Variants in LRFN5 observed in about 807,000 individuals in gnomAD.
LRFN5 encodes leucine rich repeat and fibronectin type III domain containing 5.
LRFN5 carries 24 observed loss-of-function variants against 45.6 expected under a neutral mutation model. That is an observed-to-expected ratio of 0.53 (90% CI 0.38 to 0.74). LRFN5 has a LOEUF of 0.74. Among genes scored for constraint, LRFN5 ranks in the 30% least tolerant of loss-of-function variants. The pLI, the probability that LRFN5 is intolerant of heterozygous loss-of-function variation, is 0.00. For missense variants in LRFN5, 776 were observed against 861.5 expected, an observed-to-expected ratio of 0.90 and a Z score of 1.24; for synonymous variants, 340 against 313.8, an observed-to-expected ratio of 1.08 and a Z score of -0.88.
At chr14:41,877,317 T>C (rs1890218846) in intron 2 of LRFN5, among the ~76,000 whole-genome samples, 1 of 152,126 alleles carries the variant, frequency 6.6e-6, no homozygotes, top group Non-Finnish European at 1.5e-5. Context: ...GCTAATAAAT[T>C]TTCAAAATGA....
chr14:41,865,006 G>C (rs564065245), intron 2 of LRFN5, among the ~76,000 whole-genome samples: 1 of 151,812 alleles, frequency 6.6e-6, no homozygotes, highest in Non-Finnish European at 1.5e-5. Flanking sequence ...ATAGCTTCTT[G>C]GTTTTTATAG....
intron 1 of LRFN5, among the ~76,000 whole-genome samples, chr14:41,680,018 ACC>A (rs1464771924): frequency 1.3e-5 from 2 of 151,974 alleles, no homozygotes; most frequent in East Asian, 3.9e-4. Flanking sequence ...ATGAGGAGAG[ACC>A]CCACTGCTTG....
At chr14:41,761,083 AT>A (rs904766815) in intron 1 of LRFN5, among the ~76,000 whole-genome samples, 27 of 151,940 alleles carry the variant, frequency 1.8e-4, no homozygotes, top group Admixed American at 1.6e-3. Context: ...TATATAAAAC[AT>A]TTTTTTTCAG....
intron 4 of LRFN5, among the ~76,000 whole-genome samples, chr14:41,896,853 G>A (rs992622956): frequency 1.3e-5 from 2 of 152,000 alleles, no homozygotes; most frequent in African/African-American, 4.8e-5. Flanking sequence ...AGCACTTTGG[G>A]ATGCCAAGGC....
chr14:41,857,025 A>G (rs538069345), intron 2 of LRFN5, among the ~76,000 whole-genome samples: 7 of 151,928 alleles, frequency 4.6e-5, no homozygotes, highest in African/African-American at 1.7e-4. Context: ...TTATCTAAGA[A>G]CCTTTTAAGT....
chr14:41,776,102 A>G (rs564987141), intron 2 of LRFN5, among the ~76,000 whole-genome samples: 1 of 152,328 alleles, frequency 6.6e-6, no homozygotes, highest in South Asian at 2.1e-4. Context: ...TTGTGGTTCT[A>G]TATTTATCAT....
rs145974884 is a variant in LRFN5 at position 41,730,041 on chromosome 14, A to G, written c.-196-36813A>G. On this transcript the variant is annotated intron_variant, in intron 1 of 5. Coordinates refer to ENST00000298119, the MANE Select transcript of LRFN5 (RefSeq NM_152447.5). ...AAACATTAGAAGTAATGTTCTGTAT[A>G]TAATCTGTACATGTTTGCCAAAATT... Among the ~76,000 whole-genome samples the G allele has an allele frequency of 1.2e-4, 18 of 152,134 alleles. No individual in the cohort carries two copies. The East Asian group carries it at 3.5e-3, about 29-fold the overall frequency.
At chr14:41,733,606 T>C (rs1884277007) in intron 1 of LRFN5, 1 of 152,026 alleles carries the variant, frequency 6.6e-6, no homozygotes, top group Non-Finnish European at 1.5e-5. Context: ...TCTCAATCAG[T>C]AAGAAGAAAT....
chr14:41,848,739 A>G (rs1889157933), intron 2 of LRFN5, among the ~76,000 whole-genome samples: 1 of 152,060 alleles, frequency 6.6e-6, no homozygotes, highest in South Asian at 2.1e-4. Context: ...ACTGGCTTCA[A>G]ATCATATCTT....
At chr14:41,697,876 A>C (rs1320143220) in intron 1 of LRFN5, among the ~76,000 whole-genome samples, 1 of 151,958 alleles carries the variant, frequency 6.6e-6, no homozygotes, top group Non-Finnish European at 1.5e-5. Context: ...GAGTTATTAA[A>C]ATATTTTTAG....
chr14:41,805,421 T>A (rs917349511), intron 2 of LRFN5, among the ~76,000 whole-genome samples: 7 of 150,134 alleles, frequency 4.7e-5, no homozygotes, highest in African/African-American at 1.5e-4. Context: ...TTTATTTATT[T>A]ATTATTATTA....
chr14:41,856,636 T>A lies in LRFN5; in HGVS notation c.-20-29970T>A, dbSNP rs1403694755. On this transcript the variant is annotated intron_variant, in intron 2 of 5. Transcript: ENST00000298119. Reference sequence around the variant, plus strand: ...GAACTTGCCGAGTTTTGTTAGTGAGTCTTTTGTAATTCTTTCTTTCCTAAT... The same window carrying A: ...GAACTTGCCGAGTTTTGTTAGTGAGACTTTTGTAATTCTTTCTTTCCTAAT... Among the ~76,000 whole-genome samples, 5 of 148,576 alleles carry A rather than the reference T, an allele frequency of 3.4e-5. No individual in the cohort carries two copies. The South Asian group carries it at 1.1e-3, about 31-fold the overall frequency.
chr14:41,890,637 G>A (rs1030876268), intron 3 of LRFN5, among the ~76,000 whole-genome samples: 3 of 151,664 alleles, frequency 2.0e-5, no homozygotes. Flanking sequence ...AACCCGGGAG[G>A]CGGAGCTTTC....
At chr14:41,811,567 C>A (rs1221751826) in intron 2 of LRFN5, among the ~76,000 whole-genome samples, 5 of 152,062 alleles carry the variant, frequency 3.3e-5, no homozygotes, top group Admixed American at 1.3e-4. Context: ...GGTATATACA[C>A]AGTGAACTAT....
chr14:41,868,264 G>T (rs1044372543), intron 2 of LRFN5, among the ~76,000 whole-genome samples: 4 of 151,948 alleles, frequency 2.6e-5, no homozygotes, highest in African/African-American at 9.7e-5. Flanking sequence ...AATAGCAGAT[G>T]ACAAGGTTCT....
intron 1 of LRFN5, among the ~76,000 whole-genome samples, chr14:41,663,400 G>A (rs1797518203): frequency 6.6e-6 from 1 of 152,060 alleles, no homozygotes; most frequent in Admixed American, 6.6e-5. Context: ...TATAGAAAGA[G>A]CCTCACAGGA....
chr14:41,693,888 G>A (rs1345397299), intron 1 of LRFN5, among the ~76,000 whole-genome samples: 1 of 151,930 alleles, frequency 6.6e-6, no homozygotes. Context: ...TTTAATGTTA[G>A]CCCTTTATGA....
intron 1 of LRFN5, among the ~76,000 whole-genome samples, chr14:41,735,228 T>C (rs1884372273): frequency 6.6e-6 from 1 of 152,058 alleles, no homozygotes; most frequent in East Asian, 1.9e-4. Flanking sequence ...GGGTTTTGTC[T>C]GAAAAAGTTT....
At position 41,887,144 on chromosome 14, in the gene LRFN5, G is replaced by C; in HGVS notation, c.519G>C (p.Leu173Phe). ...PWDAVEKMVSLHTLSLDHNMI... is the reference protein window; with the variant it reads ...PWDAVEKMVSFHTLSLDHNMI... ...ATGCTGTTGAGAAGATGGTTAGCTT[G>C]CATACCCTTAGTTTGGATCACAATA... The change falls in exon 3 of 6, where the codon TTG (leucine) becomes TTC (phenylalanine). Residue 173 changes from leucine to phenylalanine, a missense_variant. This residue lies in a region of LRFN5 where 311 missense variants were observed against 405.1 expected (regional missense o/e 0.77). Transcript: ENST00000298119. This position sits in a 1 kb window ranked among gnomAD's most constrained non-coding sequence, Gnocchi z 4.8. 6.2e-7 allele frequency: 1 copy of C among 1,614,016 alleles called. No homozygotes were observed. Among genetic ancestry groups the C allele is most frequent in the Non-Finnish European group, 8.5e-7 (1 of 1,180,020 alleles).
Sources: allele counts gnomAD v4.1 joint callset (sites outside exome capture counted in the v4.1 genomes callset), GRCh38; gene constraint gnomAD v4.1.1; regional missense constraint gnomAD v4.1.1; non-coding constraint Gnocchi (gnomAD v3.1); transcripts MANE v1.5; gene names NCBI Gene and HGNC (gene_info 2026-07-23, HGNC 2026-07-21).